The following P3H2 variants were observed in gnomAD, a reference collection of about 807,000 sequenced individuals.
The protein encoded by P3H2 is leprecan-like 1.
A neutral mutation model predicts 87.0 loss-of-function variants in P3H2; 80 were observed. The observed-to-expected ratio is 0.92, with a 90% CI of 0.77 to 1.11. P3H2 has a LOEUF of 1.11. Among genes scored for constraint, P3H2 ranks in the 50% least tolerant of loss-of-function variants. The probability of loss-of-function intolerance (pLI) is 0.00; values close to 1 mark genes in which losing one functional copy is unlikely to be tolerated. For missense variants in P3H2, 1,001 were observed against 923.9 expected (o/e 1.08, Z -1.08); for synonymous variants, 367 against 359.3 (o/e 1.02, Z -0.24).
chr3:189,980,659 C>T (rs1037943923), intron 8 of P3H2, among the ~76,000 whole-genome samples: 2 of 152,148 alleles, frequency 1.3e-5, no homozygotes, highest in Non-Finnish European at 2.9e-5. Context: ...AGGTATCTGA[C>T]GACTGGACAA....
At chr3:189,972,829 A>G (rs1185410043) in intron 11 of P3H2, 45 bp downstream of exon 11, 3 of 1,604,894 alleles carry the variant, frequency 1.9e-6, no homozygotes, top group Non-Finnish European at 2.6e-6. Flanking sequence ...TTCATTTCCC[A>G]ATGTATTGTG....
At chr3:190,121,039 G>A (rs989294628), upstream of P3H2, 2 of 398,602 alleles carry the variant, frequency 5.0e-6, no homozygotes, top group Non-Finnish European at 8.9e-6. Flanking sequence ...TCCAGCGCCA[G>A]CCAGAGAGCT....
chr3:190,089,382 G>A (rs997721498), intron 1 of P3H2, among the ~76,000 whole-genome samples: 7 of 152,200 alleles, frequency 4.6e-5, no homozygotes, highest in Admixed American at 4.6e-4. Context: ...AAAAGAGAAA[G>A]AAAATTCATT....
chr3:190,113,380 T>C (rs1712148060), intron 1 of P3H2, among the ~76,000 whole-genome samples: 1 of 152,218 alleles, frequency 6.6e-6, no homozygotes, highest in African/African-American at 2.4e-5. Flanking sequence ...CTTCCACCCT[T>C]GTTAGATTAC....
At chr3:190,012,892 A>G (rs1724638694) in intron 1 of P3H2, among the ~76,000 whole-genome samples, 1 of 152,220 alleles carries the variant, frequency 6.6e-6, no homozygotes, top group African/African-American at 2.4e-5. Flanking sequence ...AAAAAACAGA[A>G]CTAGTTTCTC....
intron 1 of P3H2, among the ~76,000 whole-genome samples, chr3:190,119,996 ACATCACCTTAT>A (rs1375816730): frequency 6.6e-6 from 1 of 152,246 alleles, no homozygotes; most frequent in Non-Finnish European, 1.5e-5. Context: ...GGTACTTTAA[ACATCACCTTAT>A]CAGGACAGTC....
chr3:190,055,632 C>T (rs990017452), intron 1 of P3H2, among the ~76,000 whole-genome samples: 2 of 151,362 alleles, frequency 1.3e-5, no homozygotes, highest in Non-Finnish European at 2.9e-5. Flanking sequence ...TTACATTTTA[C>T]AAAACGATCA....
chr3:190,079,640 C>T (rs1440610712), intron 1 of P3H2, among the ~76,000 whole-genome samples: 1 of 152,122 alleles, frequency 6.6e-6, no homozygotes, highest in Non-Finnish European at 1.5e-5. Context: ...TGTGCATCAC[C>T]CTTTCCACCT....
chr3:189,963,949 G>A lies in P3H2; in HGVS notation c.2034+9C>T. On this transcript the variant is annotated intron_variant, in intron 14 of 14. Coordinates refer to ENST00000319332, the MANE Select transcript of P3H2 (RefSeq NM_018192.4). ...CCTAATTGGCTTTCTGGGCGGGTGA[G>A]AAACTCACCAATTCTCTATAAAGTG... 6.2e-7 allele frequency: 1 copy of A among 1,614,128 alleles called. No homozygotes were observed. The highest frequency in any genetic ancestry group is 8.5e-7 in the Non-Finnish European group (1 of 1,179,988).
chr3:190,117,995 T>G (rs967280660), intron 1 of P3H2, among the ~76,000 whole-genome samples: 5 of 152,216 alleles, frequency 3.3e-5, no homozygotes, highest in African/African-American at 9.6e-5. Flanking sequence ...TTGAAAGAAC[T>G]TCTTAAACTT....
At chr3:190,083,604 C>A (rs1456786780) in intron 1 of P3H2, among the ~76,000 whole-genome samples, 2 of 152,196 alleles carry the variant, frequency 1.3e-5, no homozygotes, top group Non-Finnish European at 2.9e-5. Context: ...TATCCCGCCC[C>A]ATCACAGGCA....
rs1723876799 is a variant in P3H2 at position 189,991,535 on chromosome 3, CTAAG to C, written c.824-2501_824-2498del. The stretch of plus-strand genomic sequence containing the variant: ...AACCCATTCATTTAACCAGTATTTA[CTAAG>C]TAAGTATCTACTATTTGCCACTCAC... On this transcript the variant is annotated intron_variant, in intron 3 of 14. Coordinates refer to ENST00000319332, the MANE Select transcript of P3H2 (RefSeq NM_018192.4). 5.3e-5 allele frequency among the ~76,000 whole-genome samples: 8 copies of C among 152,326 alleles called. No individual in the cohort carries two copies. The South Asian group carries it at 1.2e-3, about 24-fold the overall frequency.
rs145198893 is a variant in P3H2, at chr3:190,111,960, T to TC, written c.480+8291dup. 9.1e-3 allele frequency among the ~76,000 whole-genome samples: 1,383 copies of TC among 152,330 alleles called. 23 individuals carry two copies. Among genetic ancestry groups the TC allele is most frequent in the African/African-American group, 0.03 (1,237 of 41,558 alleles). ...GTAAAACTTGCTGAAATCGTTAATG[T>TC]CCCTAGGGTTAAGTCACTTTATCAT... On this transcript the variant is annotated intron_variant, in intron 1 of 14. Transcript: ENST00000319332.
chr3:190,080,188 A>G (rs1332889169), intron 1 of P3H2, among the ~76,000 whole-genome samples: 2 of 152,188 alleles, frequency 1.3e-5, no homozygotes, highest in Non-Finnish European at 2.9e-5. Context: ...TCACAGACAC[A>G]TGTGTGAGCA....
intron 1 of P3H2, among the ~76,000 whole-genome samples, chr3:190,071,044 T>TA (rs2108972870): frequency 6.6e-6 from 1 of 152,350 alleles, no homozygotes; most frequent in Non-Finnish European, 1.5e-5. Flanking sequence ...CACTTTCCAC[T>TA]AGCTTCTAAG....
chr3:190,088,089 C>A (rs950237838), intron 1 of P3H2, among the ~76,000 whole-genome samples: 3 of 152,110 alleles, frequency 2.0e-5, no homozygotes, highest in Admixed American at 1.3e-4. Flanking sequence ...CATAAAATTT[C>A]ATATGAAACA....
At chr3:190,046,071 T>A (rs570668884) in intron 1 of P3H2, among the ~76,000 whole-genome samples, 1 of 147,770 alleles carries the variant, frequency 6.8e-6, no homozygotes, top group Non-Finnish European at 1.5e-5. Context: ...TGCAGTGAGC[T>A]GAGATCGCAC....
intron 5 of P3H2, 146 bp from the exon 6 acceptor site, chr3:189,987,023 C>A (rs1723722485): frequency 1.5e-6 from 1 of 652,834 alleles, no homozygotes; most frequent in East Asian, 2.7e-5. Flanking sequence ...CCCATCTCAA[C>A]ATACTTTCAC....
chr3:190,080,247 T>C (rs983220682), intron 1 of P3H2, among the ~76,000 whole-genome samples: 1 of 152,162 alleles, frequency 6.6e-6, no homozygotes, highest in Non-Finnish European at 1.5e-5. Flanking sequence ...GATAACAAGA[T>C]ACGGGCATAG....
Sources: gnomAD v4.1 joint callset for allele counts (sites outside exome capture counted in the v4.1 genomes callset) on GRCh38, gnomAD v4.1.1 for gene constraint, MANE v1.5 for transcripts, NCBI Gene and HGNC (gene_info 2026-07-23, HGNC 2026-07-21) for gene names.